CAMTA1: variants seen among roughly 807,000 people sequenced by gnomAD.
The protein encoded by CAMTA1 is calmodulin binding transcription activator 1, also known as calmodulin-binding transcription activator 1.
CAMTA1 carries 27 observed loss-of-function variants against 170.9 expected under a neutral mutation model. That is an observed-to-expected ratio of 0.16 (90% CI 0.12 to 0.22). CAMTA1 has a LOEUF of 0.22. Among genes scored for constraint, CAMTA1 ranks in the 10% least tolerant of loss-of-function variants. The probability of loss-of-function intolerance (pLI) is 1.00; values close to 1 mark genes in which losing one functional copy is unlikely to be tolerated. For synonymous variants in CAMTA1, 833 were observed against 891.5 expected, an observed-to-expected ratio of 0.93 and a Z score of 1.17; for missense variants, 1,619 against 2,217.2, an observed-to-expected ratio of 0.73 and a Z score of 5.42.
intron 4 of CAMTA1, among the ~76,000 whole-genome samples, chr1:7,110,642 G>C (rs1643970847): frequency 6.6e-6 from 1 of 152,236 alleles, no homozygotes; most frequent in Admixed American, 6.5e-5. Flanking sequence ...AGAGGCAGAT[G>C]AATGAGTGTT....
chr1:7,581,781 ACT>A (rs1320608814), intron 6 of CAMTA1, among the ~76,000 whole-genome samples: 1 of 152,218 alleles, frequency 6.6e-6, no homozygotes, highest in African/African-American at 2.4e-5. Flanking sequence ...TGGAAGGAGC[ACT>A]GTTTCTGGAG....
chr1:7,265,921 G>C (rs10779680), intron 5 of CAMTA1, among the ~76,000 whole-genome samples: 112,260 of 152,112 alleles, frequency 0.74, 42,070 homozygotes, highest in African/African-American at 0.85. Context: ...TCAGTGACAA[G>C]GGTAGGGCTT....
chr1:7,131,092 T>A (rs1464359146), intron 4 of CAMTA1, among the ~76,000 whole-genome samples: 1 of 152,080 alleles, frequency 6.6e-6, no homozygotes, highest in Non-Finnish European at 1.5e-5. Context: ...TAACTGGGAC[T>A]ACAGGCACGC....
Position 7,732,584 on chromosome 1 carries a change from A to C in CAMTA1, c.3051A>C (p.Gly1017=), listed in dbSNP as rs1336811951. ...SSGGGSGSGN[G]GSQAQCASGT... ...GAGGCGGCAGCGGGAGCGGGAATGGAGGGAGCCAGGCACAGGTACGAGGCG... is the reference window on the plus strand; with the variant it reads ...GAGGCGGCAGCGGGAGCGGGAATGGCGGGAGCCAGGCACAGGTACGAGGCG... The change falls in exon 12 of 23, where the codon GGA becomes GGC. Residue 1017 remains glycine, a synonymous_variant. Coordinates refer to ENST00000303635, the MANE Select transcript of CAMTA1 (RefSeq NM_015215.4). The surrounding 1 kb of genome is among the most constrained non-coding windows in gnomAD (Gnocchi z 4.1). The C allele has an allele frequency of 3.7e-6, 6 of 1,608,338 alleles. No homozygotes were observed. Among genetic ancestry groups the C allele is most frequent in the Non-Finnish European group, 4.2e-6 (5 of 1,177,838 alleles).
chr1:7,040,973 C>T (rs1704358081), intron 3 of CAMTA1, among the ~76,000 whole-genome samples: 1 of 152,220 alleles, frequency 6.6e-6, no homozygotes, highest in East Asian at 1.9e-4. Flanking sequence ...CTGCCCGCCT[C>T]AGCCTCCCAA....
chr1:6,921,477 C>T lies in CAMTA1; in HGVS notation c.234+96267C>T, dbSNP rs557072485. Among the ~76,000 whole-genome samples, 3 of 152,366 alleles carry T rather than the reference C, an allele frequency of 2.0e-5. No homozygotes were observed. The East Asian group carries it at 5.8e-4, about 29-fold the overall frequency. ...TTCTGAGCCCTCCAAACTGTTCCAGCCTCTGCCTGTTACCCAGTTCCAAAG... is the reference window on the plus strand; with the variant it reads ...TTCTGAGCCCTCCAAACTGTTCCAGTCTCTGCCTGTTACCCAGTTCCAAAG... On this transcript the variant is annotated intron_variant, in intron 3 of 22. Coordinates refer to ENST00000303635, the MANE Select transcript of CAMTA1 (RefSeq NM_015215.4).
At chr1:6,837,893 G>T (rs1172221988) in intron 3 of CAMTA1, among the ~76,000 whole-genome samples, 3 of 152,114 alleles carry the variant, frequency 2.0e-5, no homozygotes, top group African/African-American at 7.2e-5. Flanking sequence ...GGGTAGTGAG[G>T]CATAAGTGTT....
At chr1:7,759,689 A>G (rs1558320955) in intron 22 of CAMTA1, among the ~76,000 whole-genome samples, 2 of 152,218 alleles carry the variant, frequency 1.3e-5, no homozygotes, top group African/African-American at 4.8e-5. Flanking sequence ...AGATACTTTC[A>G]TTTGGATTTT....
rs143723095 is a variant in CAMTA1, at chr1:7,325,850, TTTTGTTTG to T, written c.438+76240_438+76247del. The stretch of plus-strand genomic sequence containing the variant: ...GGTTTGGTTTGTTGTTGGTGGGTTT[TTTTGTTTG>T]TTTGTTTGTTTGTTTTATGAGGCAG... On this transcript the variant is annotated intron_variant, in intron 5 of 22. Transcript: ENST00000303635. The surrounding 1 kb of genome is among the most constrained non-coding windows in gnomAD (Gnocchi z 5.0). 0.16 allele frequency among the ~76,000 whole-genome samples: 24,166 copies of T among 151,650 alleles called. 2,498 individuals are homozygous for T. The highest frequency in any genetic ancestry group is 0.21 in the Non-Finnish European group (14,121 of 67,832).
intron 3 of CAMTA1, among the ~76,000 whole-genome samples, chr1:7,012,640 G>A (rs1333156347): frequency 1.3e-5 from 2 of 152,256 alleles, no homozygotes; most frequent in East Asian, 1.9e-4. Context: ...CCTGTGACGT[G>A]GCTGATTGCC....
chr1:7,237,536 A>G (rs1664110879), intron 4 of CAMTA1, among the ~76,000 whole-genome samples: 1 of 152,232 alleles, frequency 6.6e-6, no homozygotes, highest in Non-Finnish European at 1.5e-5. Context: ...AAGACGCTGG[A>G]AAGAGTGTCT....
rs756435179 is a variant in CAMTA1 at position 7,044,118 on chromosome 1, C to T, written c.235-47186C>T. On this transcript the variant is annotated intron_variant, in intron 3 of 22. Transcript: ENST00000303635. This position sits in a 1 kb window ranked among gnomAD's most constrained non-coding sequence, Gnocchi z 5.0. ...GCCATCCCCTTCAGTGGGAATTTCT[C>T]CTGGATGTCTCTGCAGAAGGCACGT... Among the ~76,000 whole-genome samples, 1 of 152,354 alleles carries T rather than the reference C, an allele frequency of 6.6e-6. No individual in the cohort carries two copies. Among genetic ancestry groups the T allele is most frequent in the Non-Finnish European group, 1.5e-5 (1 of 68,032 alleles).
chr1:7,015,259 T>C (rs917234356), intron 3 of CAMTA1, among the ~76,000 whole-genome samples: 1 of 152,088 alleles, frequency 6.6e-6, no homozygotes, highest in African/African-American at 2.4e-5. Flanking sequence ...AATGACCGGA[T>C]TTCCTACGTT....
intron 4 of CAMTA1, among the ~76,000 whole-genome samples, chr1:7,238,687 C>G (rs962334746): frequency 6.6e-6 from 1 of 152,196 alleles, no homozygotes; most frequent in African/African-American, 2.4e-5. Context: ...AGTTCAAGAC[C>G]AGCCTGACCA....
chr1:7,369,765 C>G (rs2086295007), intron 5 of CAMTA1, among the ~76,000 whole-genome samples: 1 of 152,060 alleles, frequency 6.6e-6, no homozygotes, highest in Non-Finnish European at 1.5e-5. Flanking sequence ...GTCATGGGAC[C>G]CCAAACACAC....
At chr1:7,625,732 C>T (rs1427041115) in intron 6 of CAMTA1, among the ~76,000 whole-genome samples, 4 of 152,190 alleles carry the variant, frequency 2.6e-5, no homozygotes, top group Non-Finnish European at 4.4e-5. Context: ...TCTGGATGGG[C>T]GTTGGTATTC....
chr1:7,341,131 A>G (rs1179829397), intron 5 of CAMTA1, among the ~76,000 whole-genome samples: 1 of 152,186 alleles, frequency 6.6e-6, no homozygotes, highest in Non-Finnish European at 1.5e-5. Context: ...AACATTTCCT[A>G]AAGGGCTGTG....
chr1:7,627,559 T>A (rs1228440471), intron 6 of CAMTA1, among the ~76,000 whole-genome samples: 2 of 152,158 alleles, frequency 1.3e-5, no homozygotes, highest in Admixed American at 1.3e-4. Context: ...TTCTCTCCAT[T>A]GTATGGATGA....
At chr1:7,342,340 C>T (rs1045002662) in intron 5 of CAMTA1, among the ~76,000 whole-genome samples, 4 of 152,192 alleles carry the variant, frequency 2.6e-5, no homozygotes, top group African/African-American at 9.6e-5. Flanking sequence ...TTAGCACTGA[C>T]TCAGCTGGCG....
Sources: allele counts gnomAD v4.1 joint callset (sites outside exome capture counted in the v4.1 genomes callset), GRCh38; gene constraint gnomAD v4.1.1; non-coding constraint Gnocchi (gnomAD v3.1); transcripts MANE v1.5; gene names NCBI Gene and HGNC (gene_info 2026-07-23, HGNC 2026-07-21).